HOATZ: variants seen among roughly 807,000 people sequenced by gnomAD.
HOATZ encodes the protein HOATZ cilia and flagella associated protein.
A neutral mutation model predicts 24.9 loss-of-function variants in HOATZ; 26 were observed. That is an observed-to-expected ratio of 1.04 (90% confidence interval 0.76 to 1.45). The LOEUF (loss-of-function observed/expected upper bound fraction) is 1.45, where lower values mean the gene tolerates loss of function less well. HOATZ is among the 40% of genes most tolerant of loss of function. The probability of loss-of-function intolerance (pLI) is 0.00; values close to 1 mark genes in which losing one functional copy is unlikely to be tolerated. For missense variants in HOATZ, 226 were observed against 201.5 expected (o/e 1.12, Z -0.74); for synonymous variants, 83 against 76.6 (o/e 1.08, Z -0.43).
At chr11:111,530,081 T>C (rs988810937) in intron 3 of HOATZ, among the ~76,000 whole-genome samples, 4 of 152,204 alleles carry the variant, frequency 2.6e-5, no homozygotes, top group Non-Finnish European at 4.4e-5. Flanking sequence ...CTAATAATAA[T>C]AGTGTTATAA....
intron 3 of HOATZ, among the ~76,000 whole-genome samples, chr11:111,526,937 T>A (rs1376771606): frequency 6.6e-6 from 1 of 152,204 alleles, no homozygotes; most frequent in Non-Finnish European, 1.5e-5. Context: ...TTGATAATTA[T>A]TGCAAACTGA....
intron 3 of HOATZ, 131 bp downstream of exon 3, chr11:111,516,241 A>G (rs567397545): frequency 5.6e-6 from 3 of 537,174 alleles, no homozygotes; most frequent in South Asian, 3.5e-5. Flanking sequence ...GGAAACCTTT[A>G]TTAGAATTTT....
intron 3 of HOATZ, among the ~76,000 whole-genome samples, chr11:111,516,523 A>G (rs1398774223): frequency 6.6e-6 from 1 of 151,996 alleles, no homozygotes; most frequent in Non-Finnish European, 1.5e-5. Flanking sequence ...AGCCTGGGCT[A>G]CATAGTAAGA....
At chr11:111,527,575 T>G (rs188205941) in intron 3 of HOATZ, among the ~76,000 whole-genome samples, 2 of 152,352 alleles carry the variant, frequency 1.3e-5, no homozygotes, top group Admixed American at 1.3e-4. Context: ...AAAATCAGAT[T>G]ATACTGGGGA....
intron 3 of HOATZ, among the ~76,000 whole-genome samples, chr11:111,517,452 T>C (rs1435260677): frequency 1.3e-5 from 2 of 152,224 alleles, no homozygotes; most frequent in African/African-American, 4.8e-5. Context: ...GTGGAGGTTA[T>C]GCTGATAGAC....
At chr11:111,534,103 T>C (rs1771222879) in intron 4 of HOATZ, among the ~76,000 whole-genome samples, 1 of 152,258 alleles carries the variant, frequency 6.6e-6, no homozygotes, top group Admixed American at 6.5e-5. Flanking sequence ...TCAGTGCTAA[T>C]ATTTGTTTAC....
intron 3 of HOATZ, among the ~76,000 whole-genome samples, chr11:111,527,174 A>G (rs1050715352): frequency 6.6e-6 from 1 of 152,186 alleles, no homozygotes. Flanking sequence ...GCATGCATGT[A>G]CGTTCTTCAG....
At chr11:111,531,907 C>G (rs527341921) in intron 3 of HOATZ, among the ~76,000 whole-genome samples, 6 of 152,306 alleles carry the variant, frequency 3.9e-5, no homozygotes, top group African/African-American at 1.4e-4. Context: ...GATGAGCCAT[C>G]AGGACTGGGG....
In HOATZ at chr11:111,514,828, C is replaced by T; in HGVS notation, c.44C>T (p.Ser15Phe). The T allele has an allele frequency of 1.2e-6, 2 of 1,614,056 alleles. No homozygotes were observed. Among genetic ancestry groups the T allele is most frequent in the Non-Finnish European group, 1.7e-6 (2 of 1,180,008 alleles). The change falls in exon 1 of 6, where the codon TCC (serine) becomes TTC (phenylalanine). Residue 15 changes from serine (S) to phenylalanine (F), a missense_variant. Transcript: ENST00000375618. ...GAAGAACCTAGCGGCCGAAAAGAGTCCCAGGAAATGTGCCCCCCGGGATTA... is the reference window on the plus strand; with the variant it reads ...GAAGAACCTAGCGGCCGAAAAGAGTTCCAGGAAATGTGCCCCCCGGGATTA... ...PSEEPSGRKE[S>F]QEMCPPGLLV...
At chr11:111,528,051 C>T (rs539503471) in intron 3 of HOATZ, among the ~76,000 whole-genome samples, 2 of 152,250 alleles carry the variant, frequency 1.3e-5, no homozygotes, top group South Asian at 4.1e-4. Context: ...GGTATGGTGG[C>T]TCATGCCTGC....
chr11:111,522,699 T>G (rs1489179018), intron 3 of HOATZ, among the ~76,000 whole-genome samples: 1 of 152,182 alleles, frequency 6.6e-6, no homozygotes, highest in Non-Finnish European at 1.5e-5. Context: ...GGCAATATAG[T>G]AGATCCTCAT....
chr11:111,521,188 C>G (rs1424896227), intron 3 of HOATZ, among the ~76,000 whole-genome samples: 1 of 152,042 alleles, frequency 6.6e-6, no homozygotes, highest in Non-Finnish European at 1.5e-5. Flanking sequence ...CCATTTCTTC[C>G]CATTTAGCTA....
intron 3 of HOATZ, among the ~76,000 whole-genome samples, chr11:111,519,632 T>A (rs962420249): frequency 4.6e-5 from 7 of 152,202 alleles, no homozygotes; most frequent in African/African-American, 1.7e-4. Flanking sequence ...TTCTAGAATT[T>A]TTAGCTTGAT....
At chr11:111,519,976 T>C (rs1867251322) in intron 3 of HOATZ, among the ~76,000 whole-genome samples, 1 of 152,342 alleles carries the variant, frequency 6.6e-6, no homozygotes, top group Admixed American at 6.5e-5. Flanking sequence ...GTATACATTA[T>C]AACAAATGCT....
At chr11:111,518,477 A>G (rs192962046) in intron 3 of HOATZ, among the ~76,000 whole-genome samples, 264 of 152,340 alleles carry the variant, frequency 1.7e-3, no homozygotes, top group Admixed American at 6.5e-3. Context: ...ATTGACATAC[A>G]TCAACTCATA....
At chr11:111,530,074 A>G (rs1867379471) in intron 3 of HOATZ, among the ~76,000 whole-genome samples, 1 of 152,208 alleles carries the variant, frequency 6.6e-6, no homozygotes, top group Non-Finnish European at 1.5e-5. Flanking sequence ...AAATTTTCTA[A>G]TAATAATAGT....
intron 2 of HOATZ, 77 bp downstream of exon 2, chr11:111,515,629 C>A: frequency 8.5e-7 from 1 of 1,179,628 alleles, no homozygotes. Flanking sequence ...TACAAGGGTA[C>A]TACTTTACAC....
In HOATZ at chr11:111,536,987, C is replaced by T. The variant is rs1278509721; in HGVS notation, c.*160C>T. ...CAGGAATTTTACCAGTTAGTGAGTA[C>T]TTGTGTTAAAATAAAGAAATAAAGG... is the stretch of plus-strand genomic sequence containing the variant. On this transcript the variant is annotated 3_prime_UTR_variant, in exon 6 of 6. Coordinates refer to ENST00000375618, the MANE Select transcript of HOATZ (RefSeq NM_001100388.2). 1.7e-6 allele frequency: 1 copy of T among 597,466 alleles called. No homozygotes were observed. The highest frequency in any genetic ancestry group is 2.1e-5 in the South Asian group (1 of 47,040). 37.0% of individuals were successfully genotyped at this position (597,466 alleles called of 1,614,324 possible). A position where few individuals can be genotyped will look rare whatever the true frequency, so the allele number is the denominator to read the frequency against.
intron 3 of HOATZ, chr11:111,518,921 G>A (rs750282899): frequency 6.2e-5 from 26 of 421,248 alleles, no homozygotes; most frequent in Admixed American, 4.7e-4. Context: ...GTGCTCCCAC[G>A]GCAAGCCACA....
Sources: gnomAD v4.1 joint callset for allele counts (sites outside exome capture counted in the v4.1 genomes callset) on GRCh38, gnomAD v4.1.1 for gene constraint, MANE v1.5 for transcripts, NCBI Gene and HGNC (gene_info 2026-07-23, HGNC 2026-07-21) for gene names.